NUP210: variants seen among roughly 807,000 people sequenced by gnomAD.
NUP210 encodes nucleoporin 210, also known as nuclear pore membrane glycoprotein 210.
Under a neutral mutation model 196.0 loss-of-function variants are expected in NUP210, and 151 were observed. The ratio of observed to expected loss-of-function variants is 0.77; its 90% CI spans 0.67 to 0.88. NUP210 has a LOEUF of 0.88. Among genes scored for constraint, NUP210 ranks in the 40% least tolerant of loss-of-function variants. The probability of loss-of-function intolerance (pLI) is 0.00; values close to 1 mark genes in which losing one functional copy is unlikely to be tolerated. For synonymous variants in NUP210, 1,070 were observed against 1,052.7 expected, an observed-to-expected ratio of 1.02 and a Z score of -0.32; for missense variants, 2,314 against 2,493.7, an observed-to-expected ratio of 0.93 and a Z score of 1.53.
chr3:13,386,983 T>A (rs1397578587), intron 5 of NUP210, among the ~76,000 whole-genome samples: 1 of 152,214 alleles, frequency 6.6e-6, no homozygotes. Flanking sequence ...TACTGGATTC[T>A]CCAGAGGCCT....
At chr3:13,369,537 TA>T (rs1698654580) in intron 13 of NUP210, among the ~76,000 whole-genome samples, 1 of 152,228 alleles carries the variant, frequency 6.6e-6, no homozygotes, top group Admixed American at 6.5e-5. Context: ...TTAGAAGTTT[TA>T]TAGTTTTCAA....
In NUP210 at chr3:13,351,980, C is replaced by T. The variant is rs376893792; in HGVS notation, c.2734G>A (p.Ala912Thr). 1 of 1,610,290 alleles carries T rather than the reference C, an allele frequency of 6.2e-7. No individual in the cohort carries two copies. Among genetic ancestry groups the T allele is most frequent in the Non-Finnish European group, 8.5e-7 (1 of 1,177,142 alleles). Reference protein sequence around the residue: ...VTIYNHPGIQAELRIREGSGY... With the variant: ...VTIYNHPGIQTELRIREGSGY... ...GAGCCTTCCCTGATGCGGAGCTCTG[C>T]CTGCAGGAGGCAGATGCAGGGAGGG... Residue 912 changes from alanine to threonine, a missense_variant and splice_region_variant, in exon 20 of 40, where the codon GCA becomes ACA. Transcript: ENST00000254508.
Position 13,371,822 on chromosome 3 carries a change from G to C in NUP210, c.1786+12C>G, listed in dbSNP as rs1318988987. On this transcript the variant is annotated intron_variant, in intron 13 of 39. Transcript: ENST00000254508. ...CCCAGTATCTGGCACCTGCTCAGCAGCGCTGGTTTACCTGGGAGTGGCTGG... is the reference window on the plus strand; with the variant it reads ...CCCAGTATCTGGCACCTGCTCAGCACCGCTGGTTTACCTGGGAGTGGCTGG... 1 of 1,597,700 alleles carries C rather than the reference G, an allele frequency of 6.3e-7. No individual in the cohort carries two copies. The highest frequency in any genetic ancestry group is 1.7e-5 in the Admixed American group (1 of 57,830).
At chr3:13,371,761 G>T in intron 13 of NUP210, 73 bp downstream of exon 13, 1 of 1,374,374 alleles carries the variant, frequency 7.3e-7, no homozygotes, top group Non-Finnish European at 1.0e-6. Flanking sequence ...GGAATCTGGC[G>T]GTCCATGCTG....
At chr3:13,332,410 C>T (rs917425964) in intron 28 of NUP210, 26 bp from the exon 29 acceptor site, 8 of 1,566,786 alleles carry the variant, frequency 5.1e-6, no homozygotes, top group Non-Finnish European at 7.0e-6. Context: ...AGTTTCACTT[C>T]CGATGGGGCA....
At chr3:13,408,742 C>T (rs926192999) in intron 1 of NUP210, among the ~76,000 whole-genome samples, 5 of 148,296 alleles carry the variant, frequency 3.4e-5, no homozygotes, top group Admixed American at 1.4e-4. Flanking sequence ...GAGCTGAGGT[C>T]GCACCACTGC....
chr3:13,330,492 C>A lies in NUP210; in HGVS notation c.4078G>T (p.Gly1360Trp). The A allele has an allele frequency of 6.2e-7, 1 of 1,614,156 alleles. No individual in the cohort carries two copies. Among genetic ancestry groups the A allele is most frequent in the Non-Finnish European group, 8.5e-7 (1 of 1,180,020 alleles). ...GCAACAATGATGGTTTGGTTGGCCC[C>A]AAAGGGCTCTTGTGCAATCACTTCG... is the stretch of plus-strand genomic sequence containing the variant. ...TIEVIAQEPF[G>W]ANQTIIVAVK... The change falls in exon 30 of 40, where the codon GGG becomes TGG. Residue 1360 changes from glycine to tryptophan, a missense_variant. Coordinates refer to ENST00000254508, the MANE Select transcript of NUP210 (RefSeq NM_024923.4).
At chr3:13,326,934 A>G (rs553541108) in intron 32 of NUP210, among the ~76,000 whole-genome samples, 1 of 152,384 alleles carries the variant, frequency 6.6e-6, no homozygotes, top group African/African-American at 2.4e-5. Context: ...AGCCCATACA[A>G]TCTCTGCTAT....
chr3:13,398,211 A>T (rs886638395), intron 2 of NUP210, among the ~76,000 whole-genome samples: 1 of 152,216 alleles, frequency 6.6e-6, no homozygotes, highest in East Asian at 1.9e-4. Flanking sequence ...AAGCCAAGGC[A>T]GGTGGATCAC....
chr3:13,374,586 G>A (rs963608732), intron 11 of NUP210, among the ~76,000 whole-genome samples: 4 of 151,984 alleles, frequency 2.6e-5, no homozygotes, highest in Admixed American at 1.3e-4. Flanking sequence ...AAACACACAC[G>A]CCCATGACAG....
chr3:13,410,301 C>T (rs1243233560), intron 1 of NUP210, among the ~76,000 whole-genome samples: 2 of 152,046 alleles, frequency 1.3e-5, no homozygotes, highest in African/African-American at 4.8e-5. Context: ...CTGCCTCAGC[C>T]TCCCGAGGAG....
At chr3:13,327,459 G>C in intron 31 of NUP210, 22 bp from the exon 32 acceptor site, 7 of 1,558,706 alleles carry the variant, frequency 4.5e-6, no homozygotes, top group Non-Finnish European at 6.2e-6. Flanking sequence ...AGAGAAAGGA[G>C]GGCTCTCAGT....
intron 29 of NUP210, among the ~76,000 whole-genome samples, chr3:13,331,736 C>T (rs540235767): frequency 3.3e-5 from 5 of 152,294 alleles, no homozygotes; most frequent in East Asian, 3.9e-4. Flanking sequence ...TGGAGTCTCC[C>T]GCTTGGCAAC....
intron 5 of NUP210, among the ~76,000 whole-genome samples, chr3:13,386,733 C>T (rs1699290748): frequency 6.6e-6 from 1 of 152,102 alleles, no homozygotes; most frequent in African/African-American, 2.4e-5. Context: ...GCTATGGCCA[C>T]CGGGAGCTCA....
Position 13,366,085 on chromosome 3 carries a change from A to G in NUP210, c.1793T>C (p.Leu598Pro). ...GCTGCAGTGCTCAGAGCCTGGCGGC[A>G]GCCTCCCTACAGAAAGGAGAGAACT... ...QGVFQPLPGRLPPGSEHCSGI... is the reference protein window; with the variant it reads ...QGVFQPLPGRPPPGSEHCSGI... Residue 598 changes from leucine to proline, a missense_variant, in exon 14 of 40, where the codon CTG (leucine) becomes CCG (proline). Physicochemically the swap from Leu to Pro is moderately conservative, Grantham distance 98. Coordinates refer to ENST00000254508, the MANE Select transcript of NUP210 (RefSeq NM_024923.4). The G allele has an allele frequency of 6.2e-7, 1 of 1,613,624 alleles. No homozygotes were observed. Among genetic ancestry groups the G allele is most frequent in the Non-Finnish European group, 8.5e-7 (1 of 1,179,728 alleles).
intron 4 of NUP210, among the ~76,000 whole-genome samples, chr3:13,390,404 G>C (rs1371755072): frequency 6.6e-6 from 1 of 152,248 alleles, no homozygotes; most frequent in African/African-American, 2.4e-5. Flanking sequence ...AGGCGGCACA[G>C]TCGGGAATAC....
At position 13,340,242 on chromosome 3, in the gene NUP210, C is replaced by G; in HGVS notation, c.3285G>C (p.Thr1095=). ...PRKVTLLIGA[T]MQVTSEGGPQ... is the part of the protein sequence containing the mutation. ...GTGGCCTCTTGGCTCTCACCTGCATCGTGGCCCCGATAAGCAGTGTCACCT... is the reference window on the plus strand; with the variant it reads ...GTGGCCTCTTGGCTCTCACCTGCATGGTGGCCCCGATAAGCAGTGTCACCT... The change falls in exon 24 of 40, where the codon ACG becomes ACC. Residue 1095 remains threonine, a synonymous_variant. Coordinates refer to ENST00000254508, the MANE Select transcript of NUP210 (RefSeq NM_024923.4). The surrounding 1 kb of genome is among the most constrained non-coding windows in gnomAD (Gnocchi z 4.0). 1 of 1,613,458 alleles carries G rather than the reference C, an allele frequency of 6.2e-7. No individual in the cohort carries two copies. The highest frequency in any genetic ancestry group is 8.5e-7 in the Non-Finnish European group (1 of 1,180,030).
rs576104206 is a variant in NUP210, at chr3:13,343,776, C to T, written c.2836-473G>A. Among the ~76,000 whole-genome samples the T allele has an allele frequency of 5.3e-5, 8 of 152,278 alleles. No individual in the cohort carries two copies. In the South Asian group the frequency reaches 1.2e-3, roughly 24 times the overall value. On this transcript the variant is annotated intron_variant, in intron 20 of 39. Coordinates refer to ENST00000254508, the MANE Select transcript of NUP210 (RefSeq NM_024923.4). The stretch of plus-strand genomic sequence containing the variant: ...CACCCCATGGGGTCTTCTGTGAAAC[C>T]GCAAGTCAGGGGCTGGCAGAAAACG...
At chr3:13,391,620 C>T (rs9825991) in intron 3 of NUP210, among the ~76,000 whole-genome samples, 86,201 of 148,668 alleles carry the variant, frequency 0.58, 26,229 homozygotes, top group African/African-American at 0.77. Context: ...CATAACACTG[C>T]TGCCCCGCAC....
Sources: gnomAD v4.1 joint callset for allele counts (sites outside exome capture counted in the v4.1 genomes callset) on GRCh38, gnomAD v4.1.1 for gene constraint, Gnocchi (gnomAD v3.1) non-coding constraint, MANE v1.5 for transcripts, NCBI Gene and HGNC (gene_info 2026-07-23, HGNC 2026-07-21) for gene names.